DRC8: variants seen among roughly 807,000 people sequenced by gnomAD.
DRC8 encodes the protein dynein regulatory complex subunit 8, also known as dynein regulatory complex protein 8.
At chr1:245,112,224 G>A in the DRC8 span, among the ~76,000 whole-genome samples, 5 of 152,278 alleles carry the variant, frequency 3.3e-5, no homozygotes, top group African/African-American at 4.8e-5. Context: ...ACAGGCGCAC[G>A]CCACCACACC....
chr1:245,008,926 A>G, the DRC8 span, among the ~76,000 whole-genome samples: 1 of 151,728 alleles, frequency 6.6e-6, no homozygotes, highest in African/African-American at 2.4e-5. Flanking sequence ...GGGCTCAAGC[A>G]GTGCCCCCAG....
chr1:245,039,200 C>G, the DRC8 span, among the ~76,000 whole-genome samples: 1 of 143,750 alleles, frequency 7.0e-6, no homozygotes, highest in Non-Finnish European at 1.5e-5. Context: ...AAATACTATC[C>G]AGTATTTTAA....
At chr1:245,013,400 G>A in the DRC8 span, among the ~76,000 whole-genome samples, 1 of 152,170 alleles carries the variant, frequency 6.6e-6, no homozygotes, top group South Asian at 2.1e-4. Context: ...CAGTGGCAGT[G>A]TCGTAACCAG....
chr1:245,033,040 A>G, the DRC8 span, among the ~76,000 whole-genome samples: 472 of 152,220 alleles, frequency 3.1e-3, 2 homozygotes, highest in African/African-American at 0.011. Context: ...AGGATGGTAG[A>G]TCCATTGGCG....
At chr1:244,983,348 G>T in the DRC8 span, among the ~76,000 whole-genome samples, 2 of 152,060 alleles carry the variant, frequency 1.3e-5, no homozygotes, top group African/African-American at 4.8e-5. Context: ...CTTACTATTA[G>T]AAACATTTTT....
At chr1:245,050,303 C>CT in the DRC8 span, among the ~76,000 whole-genome samples, 35 of 151,974 alleles carry the variant, frequency 2.3e-4, 1 homozygote, top group South Asian at 7.1e-3. Context: ...TTTCACCATG[C>CT]TGGCCAGGCT....
chr1:244,998,960 C>T, the DRC8 span, among the ~76,000 whole-genome samples: 36 of 150,292 alleles, frequency 2.4e-4, no homozygotes, highest in Non-Finnish European at 4.7e-4. Context: ...GAAAGATCTG[C>T]CTTCTTTGGC....
chr1:245,098,652 G>A, the DRC8 span, among the ~76,000 whole-genome samples: 4 of 152,184 alleles, frequency 2.6e-5, no homozygotes, highest in South Asian at 4.1e-4. Context: ...TGGTAGCGCC[G>A]CGTTTTTCAG....
At chr1:245,119,982 A>G in the DRC8 span, among the ~76,000 whole-genome samples, 1 of 151,208 alleles carries the variant, frequency 6.6e-6, no homozygotes, top group Admixed American at 6.6e-5. Flanking sequence ...AAGAGCAAGG[A>G]ACTGAACCCA....
At chr1:245,082,548 A>T in the DRC8 span, among the ~76,000 whole-genome samples, 5 of 152,236 alleles carry the variant, frequency 3.3e-5, no homozygotes, top group Non-Finnish European at 7.3e-5. Flanking sequence ...ATGTCCAAAA[A>T]GCTAATAGAT....
the DRC8 span, among the ~76,000 whole-genome samples, chr1:244,997,689 G>A: frequency 6.6e-6 from 1 of 151,392 alleles, no homozygotes; most frequent in African/African-American, 2.4e-5. Flanking sequence ...GATTACAGGC[G>A]CCCTCCACGA....
chr1:245,057,919 A>G, the DRC8 span, among the ~76,000 whole-genome samples: 260 of 152,266 alleles, frequency 1.7e-3, 1 homozygote, highest in Middle Eastern at 6.8e-3. Context: ...GTTCCTATTA[A>G]CCCAATATCT....
At chr1:245,092,376 C>T in the DRC8 span, among the ~76,000 whole-genome samples, 1 of 152,210 alleles carries the variant, frequency 6.6e-6, no homozygotes, top group East Asian at 1.9e-4. Context: ...GTCTTCCTTC[C>T]TTTCGCTTTT....
At chr1:244,986,174 T>C in the DRC8 span, among the ~76,000 whole-genome samples, 101,550 of 150,990 alleles carry the variant, frequency 0.67, 35,504 homozygotes, top group East Asian at 0.99. Flanking sequence ...AGGCTGGTCT[T>C]GAACTCCTGA....
At chr1:245,064,676 A>G in the DRC8 span, among the ~76,000 whole-genome samples, 3 of 152,218 alleles carry the variant, frequency 2.0e-5, no homozygotes, top group Admixed American at 2.0e-4. Context: ...ATAGAATTCT[A>G]CATTCAATGG....
the DRC8 span, among the ~76,000 whole-genome samples, chr1:245,003,954 T>C: frequency 6.6e-6 from 1 of 152,206 alleles, no homozygotes; most frequent in Non-Finnish European, 1.5e-5. Flanking sequence ...AGACTTGAAC[T>C]CCTGGGCCCA....
At chr1:245,103,886 C>T in the DRC8 span, among the ~76,000 whole-genome samples, 1 of 152,180 alleles carries the variant, frequency 6.6e-6, no homozygotes, top group East Asian at 1.9e-4. Flanking sequence ...AAAGAAGGCC[C>T]ATTCTCGGTC....
the DRC8 span, among the ~76,000 whole-genome samples, chr1:245,019,853 T>A: frequency 6.6e-6 from 1 of 152,210 alleles, no homozygotes; most frequent in Non-Finnish European, 1.5e-5. Flanking sequence ...TAGTCCCAGC[T>A]GCTTGGGAGG....
At chr1:244,970,531 C>T in the DRC8 span, 31 of 1,476,406 alleles carry the variant, frequency 2.1e-5, no homozygotes, top group African/African-American at 3.9e-4. Context: ...GGTGGGCCCT[C>T]GTCCATCTGG....
Sources: gnomAD v4.1 joint callset for allele counts (sites outside exome capture counted in the v4.1 genomes callset) on GRCh38, gnomAD v4.1.1 for gene constraint, MANE v1.5 for transcripts, NCBI Gene and HGNC (gene_info 2026-07-23, HGNC 2026-07-21) for gene names.